Variants in KLHL4 observed in about 807,000 individuals in gnomAD.
KLHL4 encodes the protein kelch-like protein 4.
In KLHL4, 17 loss-of-function variants were observed where a neutral mutation model predicts 45.8. The observed-to-expected ratio is 0.37, with a 90% CI of 0.25 to 0.56. The LOEUF (loss-of-function observed/expected upper bound fraction) is 0.56. Among genes scored for constraint, KLHL4 ranks in the 20% least tolerant of loss-of-function variants. KLHL4 has a pLI of 0.79. For missense variants in KLHL4, 544 were observed against 544.9 expected (o/e 1.00, Z 0.02); for synonymous variants, 224 against 189.9 (o/e 1.18, Z -1.47).
At position 87,617,608 on chromosome X, in the gene KLHL4, C is replaced by T. The variant is rs372971355; in HGVS notation, c.728-324C>T. On this transcript the variant is annotated intron_variant, in intron 3 of 10. Coordinates refer to ENST00000373119, the MANE Select transcript of KLHL4 (RefSeq NM_019117.5). The stretch of plus-strand genomic sequence containing the variant: ...GTGTACAACGTAATATTCTCATGTA[C>T]ATATACAATGTGAAATGATTAATAT... Among the ~76,000 whole-genome samples the T allele has an allele frequency of 4.1e-4, 46 of 111,722 alleles. No homozygotes were observed. The East Asian group carries it at 0.013, about 31-fold the overall frequency.
At chrX:87,636,525 C>T (rs1203565384) in intron 9 of KLHL4, among the ~76,000 whole-genome samples, 1 of 111,786 alleles carries the variant, frequency 8.9e-6, no homozygotes, top group Non-Finnish European at 1.9e-5. Flanking sequence ...ATAGCCGTAG[C>T]AATGTGAGCC....
At chrX:87,610,739 A>G (rs1290103591) in intron 1 of KLHL4, among the ~76,000 whole-genome samples, 1 of 111,805 alleles carries the variant, frequency 8.9e-6, no homozygotes, top group Non-Finnish European at 1.9e-5. Context: ...CTTTCTTTTT[A>G]ACTTTGAGCA....
intron 1 of KLHL4, among the ~76,000 whole-genome samples, chrX:87,602,178 A>G (rs1433496498): frequency 8.9e-6 from 1 of 111,743 alleles, no homozygotes; most frequent in African/African-American, 3.2e-5. Context: ...AAAAATCAAC[A>G]TAAAAATTAT....
intron 1 of KLHL4, among the ~76,000 whole-genome samples, chrX:87,552,284 T>TA (rs1157734334): frequency 2.7e-4 from 30 of 110,177 alleles, no homozygotes; most frequent in African/African-American, 8.9e-4. Context: ...AACAAACATA[T>TA]AAAAAATGAT....
chrX:87,624,605 A>G (rs1192256606), intron 5 of KLHL4, among the ~76,000 whole-genome samples: 2 of 111,330 alleles, frequency 1.8e-5, no homozygotes, highest in African/African-American at 6.5e-5. Context: ...TATTCCAGCA[A>G]CCTGCTCACT....
intron 9 of KLHL4, among the ~76,000 whole-genome samples, chrX:87,649,780 A>T (rs1923747781): frequency 9.0e-6 from 1 of 111,276 alleles, no homozygotes; most frequent in South Asian, 3.8e-4. Flanking sequence ...TCCTTTCCCC[A>T]TTCAGTGGCC....
chrX:87,532,475 T>A (rs1389586966), intron 1 of KLHL4, among the ~76,000 whole-genome samples: 1 of 107,757 alleles, frequency 9.3e-6, no homozygotes, highest in Non-Finnish European at 1.9e-5. Context: ...GTGAAGAAAG[T>A]CATTGGTAGC....
chrX:87,532,239 G>A (rs1569335231), intron 1 of KLHL4, among the ~76,000 whole-genome samples: 1 of 109,810 alleles, frequency 9.1e-6, no homozygotes, highest in East Asian at 2.9e-4. Context: ...AGATCAGATA[G>A]TTGTAGATAT....
In KLHL4 at chrX:87,667,120, T is replaced by G. The variant is rs962304826; in HGVS notation, c.*586T>G. On this transcript the variant is annotated 3_prime_UTR_variant, in exon 11 of 11. Transcript: ENST00000373119. The stretch of plus-strand genomic sequence containing the variant: ...AATAATGGCTCTTTGACAAAACTTG[T>G]TATGTTGATCGCGGTATGTCAAAAT... The G allele has an allele frequency of 2.7e-6, 2 of 750,539 alleles. No homozygotes were observed. Among genetic ancestry groups the G allele is most frequent in the Non-Finnish European group, 3.1e-6 (2 of 637,597 alleles). The allele number at this position is 750,539 out of a possible 1,213,427, so 61.9% of individuals were successfully genotyped here.
chrX:87,649,345 A>G (rs1923735254), intron 9 of KLHL4, among the ~76,000 whole-genome samples: 1 of 111,689 alleles, frequency 9.0e-6, no homozygotes, highest in African/African-American at 3.2e-5. Flanking sequence ...ATGTAATAAT[A>G]TGTGTCAGAA....
intron 6 of KLHL4, among the ~76,000 whole-genome samples, chrX:87,628,680 T>A (rs966229406): frequency 9.9e-5 from 11 of 111,461 alleles, no homozygotes; most frequent in Non-Finnish European, 2.1e-4. Flanking sequence ...CCATGTAACC[T>A]AAAACCACCT....
chrX:87,525,699 G>T (rs915802707), intron 1 of KLHL4, among the ~76,000 whole-genome samples: 2 of 111,377 alleles, frequency 1.8e-5, no homozygotes, highest in African/African-American at 6.5e-5. Flanking sequence ...GTTTACTCTG[G>T]AAACACTATA....
chrX:87,668,021 A>G lies in KLHL4; in HGVS notation c.*1487A>G, dbSNP rs1471640141. 1 of 731,360 alleles carries G rather than the reference A, an allele frequency of 1.4e-6. No homozygotes were observed. Among genetic ancestry groups the G allele is most frequent in the African/African-American group, 2.3e-5 (1 of 43,413 alleles). 60.3% of individuals were successfully genotyped at this position (731,360 alleles called of 1,213,427 possible). On this transcript the variant is annotated 3_prime_UTR_variant, in exon 11 of 11. Transcript: ENST00000373119. ...CTATATCACTAAAATACTTAAACAC[A>G]AAAATAAAATTCCACTCCTTTATTT...
intron 9 of KLHL4, among the ~76,000 whole-genome samples, chrX:87,636,803 C>G (rs910937239): frequency 9.1e-6 from 1 of 109,771 alleles, no homozygotes; most frequent in African/African-American, 3.3e-5. Context: ...ACCCCATCCC[C>G]CACAGCAGCT....
At chrX:87,647,880 C>A (rs1216623020) in intron 9 of KLHL4, among the ~76,000 whole-genome samples, 2 of 111,069 alleles carry the variant, frequency 1.8e-5, no homozygotes, top group Non-Finnish European at 3.8e-5. Flanking sequence ...GCATTAACAA[C>A]ATAAAAATAA....
chrX:87,619,929 T>C (rs1339821285), intron 4 of KLHL4, among the ~76,000 whole-genome samples: 2 of 111,890 alleles, frequency 1.8e-5, no homozygotes, highest in Non-Finnish European at 3.8e-5. Flanking sequence ...AGAATAATAC[T>C]AAACAATTTA....
intron 1 of KLHL4, among the ~76,000 whole-genome samples, chrX:87,543,746 T>G (rs1473167341): frequency 9.0e-6 from 1 of 110,861 alleles, no homozygotes; most frequent in Non-Finnish European, 1.9e-5. Context: ...GCCAAAATGC[T>G]CTCAGTCTCT....
At chrX:87,522,130 G>T (rs1349752457) in intron 1 of KLHL4, among the ~76,000 whole-genome samples, 1 of 112,267 alleles carries the variant, frequency 8.9e-6, no homozygotes, top group Non-Finnish European at 1.9e-5. Context: ...AAGAGAAATT[G>T]TAAGTCTAAA....
chrX:87,549,213 G>T (rs921381522), intron 1 of KLHL4, among the ~76,000 whole-genome samples: 7 of 110,492 alleles, frequency 6.3e-5, no homozygotes, highest in African/African-American at 2.3e-4. Flanking sequence ...TTTTAAAAAG[G>T]ATACATAATA....
Sources: gnomAD v4.1 joint callset for allele counts (sites outside exome capture counted in the v4.1 genomes callset) on GRCh38, gnomAD v4.1.1 for gene constraint, MANE v1.5 for transcripts, NCBI Gene and HGNC (gene_info 2026-07-23, HGNC 2026-07-21) for gene names.